The following GYG1 variants were observed in gnomAD, a reference collection of about 807,000 sequenced individuals.
GYG1 encodes the protein glycogenin 1.
Under a neutral mutation model 41.9 loss-of-function variants are expected in GYG1, and 44 were observed. That is an observed-to-expected ratio of 1.05 (90% CI 0.83 to 1.35). GYG1 has a LOEUF of 1.35. Among genes scored for constraint, GYG1 ranks in the 40% most tolerant of loss-of-function variants. The pLI is 0.00. For missense variants in GYG1, 429 were observed against 418.9 expected, an observed-to-expected ratio of 1.02 and a Z score of -0.21; for synonymous variants, 141 against 158.1, an observed-to-expected ratio of 0.89 and a Z score of 0.81.
chr3:149,022,527 C>T (rs1485850972), intron 5 of GYG1, among the ~76,000 whole-genome samples: 5 of 33,344 alleles, frequency 1.5e-4, no homozygotes, highest in Non-Finnish European at 2.9e-4. Context: ...GAGATGGAGT[C>T]TCACTGTCAC....
chr3:148,998,705 C>G lies in GYG1; in HGVS notation c.481+1801C>G, dbSNP rs144143513. 2.6e-5 allele frequency among the ~76,000 whole-genome samples: 4 copies of G among 152,308 alleles called. No homozygotes were observed. In the East Asian group the frequency reaches 7.7e-4, roughly 29 times the overall value. On this transcript the variant is annotated intron_variant, in intron 4 of 7. Coordinates refer to ENST00000345003, the MANE Select transcript of GYG1 (RefSeq NM_004130.4). ...TTTTTAGCTCCTGCTATTTTCCTTT[C>G]ATAGAAGGAATGAAAGCTGTATTAG... is the stretch of plus-strand genomic sequence containing the variant.
At position 149,029,008 on chromosome 3, in the gene GYG1, C is replaced by T. The variant is rs1248085689; in HGVS notation, c.*2075C>T. ...CTGGGATTACAGGCGTGAGCCACTGCACCCAGCAAATTTTTAAATTTCAAA... is the reference window on the plus strand; with the variant it reads ...CTGGGATTACAGGCGTGAGCCACTGTACCCAGCAAATTTTTAAATTTCAAA... On this transcript the variant is annotated 3_prime_UTR_variant, in exon 8 of 8. Coordinates refer to ENST00000345003, the MANE Select transcript of GYG1 (RefSeq NM_004130.4). 6.6e-6 allele frequency among the ~76,000 whole-genome samples: 1 copy of T among 152,184 alleles called. No individual in the cohort carries two copies. Among genetic ancestry groups the T allele is most frequent in the African/African-American group, 2.4e-5 (1 of 41,448 alleles).
chr3:149,026,590 A>G (rs769720080), intron 7 of GYG1, 88 bp downstream of exon 7: 50 of 1,039,040 alleles, frequency 4.8e-5, no homozygotes, highest in Non-Finnish European at 6.5e-5. Flanking sequence ...TTAGGAAAAA[A>G]TCATATAATC....
chr3:149,026,755 T>G lies in GYG1; in HGVS notation c.880-5T>G, dbSNP rs367988217. ...TCATAGAGTCAATTATGCTTTCCTT[T>G]CTAGGAAGATGTCTCAGGAGCCATA... On this transcript the variant is annotated splice_region_variant and splice_polypyrimidine_tract_variant and intron_variant, in intron 7 of 7. Transcript: ENST00000345003. The G allele has an allele frequency of 6.3e-7, 1 of 1,588,838 alleles. No homozygotes were observed. The highest frequency in any genetic ancestry group is 1.3e-5 in the African/African-American group (1 of 74,518).
rs1714713436 is a variant in GYG1, at chr3:149,027,344, A to G, written c.*411A>G. 4.7e-6 allele frequency: 1 copy of G among 212,732 alleles called. No individual in the cohort carries two copies. Among genetic ancestry groups the G allele is most frequent in the African/African-American group, 2.3e-5 (1 of 43,164 alleles). The allele number at this position is 212,732 out of a possible 1,614,324, so 13.2% of individuals were successfully genotyped here. ...GTTGTGTACCTTTCACGAGACCTGAATTTTAGAATTGCCCAGTGCTGCCAG... is the reference window on the plus strand; with the variant it reads ...GTTGTGTACCTTTCACGAGACCTGAGTTTTAGAATTGCCCAGTGCTGCCAG... On this transcript the variant is annotated 3_prime_UTR_variant, in exon 8 of 8. Coordinates refer to ENST00000345003, the MANE Select transcript of GYG1 (RefSeq NM_004130.4).
chr3:149,024,893 G>C (rs1300424791), intron 6 of GYG1, among the ~76,000 whole-genome samples: 2 of 152,190 alleles, frequency 1.3e-5, no homozygotes, highest in Non-Finnish European at 2.9e-5. Context: ...AATTGGAAGA[G>C]GATGAGGAAC....
intron 2 of GYG1, among the ~76,000 whole-genome samples, chr3:148,995,340 G>A (rs1404671499): frequency 2.0e-5 from 3 of 152,176 alleles, no homozygotes; most frequent in Non-Finnish European, 4.4e-5. Flanking sequence ...GGCCCTCTAA[G>A]AAATTGAAAA....
intron 4 of GYG1, among the ~76,000 whole-genome samples, chr3:149,003,259 G>C (rs1275412585): frequency 6.6e-6 from 1 of 151,918 alleles, no homozygotes; most frequent in African/African-American, 2.4e-5. Flanking sequence ...GGGATTACAG[G>C]TGCCTGCCAC....
intron 1 of GYG1, among the ~76,000 whole-genome samples, chr3:148,992,212 C>A (rs898806216): frequency 6.6e-6 from 1 of 152,262 alleles, no homozygotes; most frequent in Non-Finnish European, 1.5e-5. Context: ...CGTCCCCGGG[C>A]GCGAGCCCCG....
chr3:149,025,681 ATAGAC>A (rs2107923522), intron 6 of GYG1, among the ~76,000 whole-genome samples: 1 of 152,256 alleles, frequency 6.6e-6, no homozygotes, highest in African/African-American at 2.4e-5. Flanking sequence ...TAGTTATGTA[ATAGAC>A]TAGTCAAGCA....
chr3:149,019,193 C>T lies in GYG1; in HGVS notation c.609-4860C>T, dbSNP rs774894852. 3.3e-5 allele frequency among the ~76,000 whole-genome samples: 5 copies of T among 152,026 alleles called. No individual in the cohort carries two copies. In the East Asian group the frequency reaches 5.8e-4, roughly 18 times the overall value. ...GATATCTGAATCCTTTGCGTGATTTCTGTATGCCCCAGAATCTTTCTTACC... is the reference window on the plus strand; with the variant it reads ...GATATCTGAATCCTTTGCGTGATTTTTGTATGCCCCAGAATCTTTCTTACC... On this transcript the variant is annotated intron_variant, in intron 5 of 7. Coordinates refer to ENST00000345003, the MANE Select transcript of GYG1 (RefSeq NM_004130.4).
chr3:149,026,529 A>G, intron 7 of GYG1, 27 bp downstream of exon 7: 1 of 1,471,652 alleles, frequency 6.8e-7, no homozygotes, highest in Non-Finnish European at 9.5e-7. Flanking sequence ...GATTAACCCT[A>G]ATTACTTTGT....
chr3:148,997,493 T>C (rs1430823858), intron 4 of GYG1, among the ~76,000 whole-genome samples: 1 of 152,194 alleles, frequency 6.6e-6, no homozygotes, highest in African/African-American at 2.4e-5. Context: ...CTATAACATA[T>C]AAATGTATTT....
intron 1 of GYG1, among the ~76,000 whole-genome samples, 183 bp from the exon 2 acceptor site, chr3:148,993,959 C>G (rs1363256334): frequency 1.3e-5 from 2 of 152,192 alleles, no homozygotes; most frequent in Non-Finnish European, 2.9e-5. Flanking sequence ...CTGCTATGAT[C>G]TTGAACCATT....
At chr3:149,009,780 C>G (rs1713616115) in intron 5 of GYG1, among the ~76,000 whole-genome samples, 1 of 152,182 alleles carries the variant, frequency 6.6e-6, no homozygotes, top group Non-Finnish European at 1.5e-5. Flanking sequence ...GCTTTGGTTT[C>G]CTTCACCTGC....
chr3:148,995,225 C>T (rs555742590), intron 2 of GYG1, among the ~76,000 whole-genome samples: 1 of 152,200 alleles, frequency 6.6e-6, no homozygotes, highest in Admixed American at 6.5e-5. Context: ...ACAACAACAA[C>T]AGAAAATCGA....
rs1482937048 is a variant in GYG1, at chr3:149,030,801, C to T, written c.*3868C>T. The T allele has an allele frequency of 6.6e-6, 1 of 152,170 alleles. No homozygotes were observed. Among genetic ancestry groups the T allele is most frequent in the Non-Finnish European group, 1.5e-5 (1 of 68,028 alleles). 9.4% of individuals were successfully genotyped at this position (152,170 alleles called of 1,614,324 possible). A position where few individuals can be genotyped will look rare whatever the true frequency, so the allele number is the denominator to read the frequency against. ...AAGGGACCAGGAAGATTCTAGCTGGCTAATTCACTGTTCCCTTTGAGCAAG... is the reference window on the plus strand; with the variant it reads ...AAGGGACCAGGAAGATTCTAGCTGGTTAATTCACTGTTCCCTTTGAGCAAG... On this transcript the variant is annotated 3_prime_UTR_variant, in exon 8 of 8. Coordinates refer to ENST00000345003, the MANE Select transcript of GYG1 (RefSeq NM_004130.4).
intron 4 of GYG1, among the ~76,000 whole-genome samples, chr3:148,998,430 T>A (rs1378455974): frequency 6.6e-6 from 1 of 152,114 alleles, no homozygotes; most frequent in Non-Finnish European, 1.5e-5. Flanking sequence ...ATGCTAAACA[T>A]CCTACAATGC....
rs1332899203 is a variant in GYG1 at position 149,028,896 on chromosome 3, T to C, written c.*1963T>C. 1.3e-5 allele frequency among the ~76,000 whole-genome samples: 2 copies of C among 152,026 alleles called. No individual in the cohort carries two copies. The highest frequency in any genetic ancestry group is 1.3e-4 in the Admixed American group (2 of 15,264). On this transcript the variant is annotated 3_prime_UTR_variant, in exon 8 of 8. Coordinates refer to ENST00000345003, the MANE Select transcript of GYG1 (RefSeq NM_004130.4). ...CCACCACGCCCAGCTAAATTTTGTA[T>C]TTTTAGTAGAGACAGGTTTCACCAT...
Sources: gnomAD v4.1 joint callset for allele counts (sites outside exome capture counted in the v4.1 genomes callset) on GRCh38, gnomAD v4.1.1 for gene constraint, MANE v1.5 for transcripts, NCBI Gene and HGNC (gene_info 2026-07-23, HGNC 2026-07-21) for gene names.